The following ENGASE variants were observed in gnomAD, a reference collection of about 807,000 sequenced individuals.
The protein encoded by ENGASE is cytosolic endo-beta-N-acetylglucosaminidase.
A neutral mutation model predicts 78.5 loss-of-function variants in ENGASE; 69 were observed. The ratio of observed to expected loss-of-function variants is 0.88; its 90% confidence interval spans 0.72 to 1.07. The LOEUF is 1.07. Ranked by LOEUF, ENGASE falls within the 50% of genes least tolerant of loss-of-function variation. The pLI is 0.00. For missense variants in ENGASE, 943 were observed against 988.4 expected, an observed-to-expected ratio of 0.95 and a Z score of 0.62; for synonymous variants, 408 against 408.9, an observed-to-expected ratio of 1.00 and a Z score of 0.03.
At chr17:79,082,272 A>G (rs545736939) in intron 7 of ENGASE, 168 of 1,507,630 alleles carry the variant, frequency 1.1e-4, no homozygotes, top group Non-Finnish European at 1.4e-4. Flanking sequence ...TATTTCTACA[A>G]TCAGATAATG....
intron 10 of ENGASE, 51 bp from the exon 11 acceptor site, chr17:79,084,487 G>C (rs541108498): frequency 1.3e-6 from 2 of 1,486,420 alleles, no homozygotes; most frequent in East Asian, 2.6e-5. Context: ...AGCTGGCTTC[G>C]ATTTCTCAGT....
intron 3 of ENGASE, among the ~76,000 whole-genome samples, chr17:79,078,759 G>GA (rs1434483780): frequency 6.6e-6 from 1 of 152,238 alleles, no homozygotes; most frequent in Non-Finnish European, 1.5e-5. Flanking sequence ...AGCAGGTGGT[G>GA]AAACCTTGGG....
chr17:79,082,161 A>G, intron 7 of ENGASE, 98 bp downstream of exon 7: 1 of 1,603,800 alleles, frequency 6.2e-7, no homozygotes, highest in Non-Finnish European at 8.5e-7. Context: ...CCTCAAAGGA[A>G]TGACAGCAGC....
In ENGASE at chr17:79,083,761, G is replaced by C. The variant is rs372297897; in HGVS notation, c.1252G>C (p.Glu418Gln). 33 of 1,606,910 alleles carry C rather than the reference G, an allele frequency of 2.1e-5. No homozygotes were observed. Among genetic ancestry groups the C allele is most frequent in the Non-Finnish European group, 2.6e-5 (31 of 1,176,460 alleles). Reference protein sequence around the residue: ...MGARRVCYGQEEAVGPWYHLS... With the variant: ...MGARRVCYGQQEAVGPWYHLS... ...GCCCCTGTTCTGCCCTTTTCTTCAGGAAGAGGCGGTAGGGCCCTGGTACCA... is the reference window on the plus strand; with the variant it reads ...GCCCCTGTTCTGCCCTTTTCTTCAGCAAGAGGCGGTAGGGCCCTGGTACCA... Residue 418 changes from glutamate to glutamine, a missense_variant and splice_region_variant, in exon 10 of 14, where the codon GAA (glutamate) becomes CAA (glutamine). Physicochemically the swap from Glu to Gln is conservative, Grantham distance 29. Coordinates refer to ENST00000579016, the MANE Select transcript of ENGASE (RefSeq NM_001042573.3). This position sits in a 1 kb window ranked among gnomAD's most constrained non-coding sequence, Gnocchi z 4.9.
At chr17:79,077,607 C>T (rs1016277678) in intron 2 of ENGASE, 56 bp from the exon 3 acceptor site, 26 of 1,598,754 alleles carry the variant, frequency 1.6e-5, no homozygotes, top group South Asian at 6.7e-5. Context: ...TAAAATGTTT[C>T]GATTAATCCT....
At position 79,087,133 on chromosome 17, in the gene ENGASE, A is replaced by G; in HGVS notation, c.*784A>G. On this transcript the variant is annotated 3_prime_UTR_variant, in exon 14 of 14. Transcript: ENST00000579016. ...CTGCGCTGTGGCCCTGCCTCTGCCCAGCGAGAGGCCGTGGGCTCTGGACAA... is the reference window on the plus strand; with the variant it reads ...CTGCGCTGTGGCCCTGCCTCTGCCCGGCGAGAGGCCGTGGGCTCTGGACAA... 1 of 445,090 alleles carries G rather than the reference A, an allele frequency of 2.2e-6. No individual in the cohort carries two copies. Among genetic ancestry groups the G allele is most frequent in the Non-Finnish European group, 4.6e-6 (1 of 218,546 alleles). 27.6% of individuals were successfully genotyped at this position (445,090 alleles called of 1,614,324 possible).
intron 4 of ENGASE, 110 bp downstream of exon 4, chr17:79,079,747 C>A: frequency 2.1e-6 from 3 of 1,420,690 alleles, no homozygotes; most frequent in Non-Finnish European, 2.8e-6. Flanking sequence ...GCCCAGAGCC[C>A]CTCGCTGGGG....
At chr17:79,077,936 G>GGGGGGGGGGGGGGGGC in intron 3 of ENGASE, 72 bp downstream of exon 3, 2 of 721,532 alleles carry the variant, frequency 2.8e-6, no homozygotes, top group Non-Finnish European at 4.4e-6. Context: ...GGAGGGGCGG[G>GGGGGGGGGGGGGGGGC]AGAGAGTGCC....
Position 79,080,254 on chromosome 17 carries a change from T to C in ENGASE, c.613T>C (p.Phe205Leu). ...WNEGGRLCEAFLAGDERSYQA... is the reference protein window; with the variant it reads ...WNEGGRLCEALLAGDERSYQA... ...TGAAGGGGGAAGGCTCTGTGAAGCC[T>C]TCCTGGCCGGGGATGAGCGCTCGTA... The change falls in exon 5 of 14, where the codon TTC (phenylalanine) becomes CTC (leucine). Residue 205 changes from phenylalanine (F) to leucine (L), a missense_variant. By Grantham distance (22) the Phe-to-Leu change is conservative (BLOSUM62 0). Transcript: ENST00000579016. 6.2e-7 allele frequency: 1 copy of C among 1,613,292 alleles called. No individual in the cohort carries two copies. Among genetic ancestry groups the C allele is most frequent in the Non-Finnish European group, 8.5e-7 (1 of 1,179,488 alleles).
At position 79,086,271 on chromosome 17, in the gene ENGASE, G is replaced by A. The variant is rs201183810; in HGVS notation, c.2154G>A (p.Glu718=). The change falls in exon 14 of 14, where the codon GAG becomes GAA. Residue 718 remains glutamate, a synonymous_variant. Transcript: ENST00000579016. ...ATCGTCGCATGGAATTTCTGGTGGA[G>A]CCTGTCCCCAAGGAAGGGTTCCGGG... is the stretch of plus-strand genomic sequence containing the variant. ...GQDRRMEFLV[E]PVPKEGFRVP... The A allele has an allele frequency of 4.3e-5, 69 of 1,613,676 alleles. No homozygotes were observed. The highest frequency in any genetic ancestry group is 5.6e-5 in the Non-Finnish European group (66 of 1,180,044).
In ENGASE at chr17:79,085,427, T is replaced by G. The variant is rs2073267589; in HGVS notation, c.1700+85T>G. 9 of 1,351,970 alleles carry G rather than the reference T, an allele frequency of 6.7e-6. No individual in the cohort carries two copies. The South Asian group carries it at 8.6e-5, about 13-fold the overall frequency. The allele number at this position is 1,351,970 out of a possible 1,614,324, so 83.7% of individuals were successfully genotyped here. On this transcript the variant is annotated intron_variant, in intron 12 of 13. Coordinates refer to ENST00000579016, the MANE Select transcript of ENGASE (RefSeq NM_001042573.3). The stretch of plus-strand genomic sequence containing the variant: ...CAGAGCTGGAGGGATGGAGGGGCCC[T>G]GGGCTGGCCCCCAGGTTTTGGGCAG...
intron 10 of ENGASE, 107 bp downstream of exon 10, chr17:79,084,058 C>A: frequency 3.0e-6 from 3 of 989,142 alleles, no homozygotes; most frequent in Non-Finnish European, 4.5e-6. Flanking sequence ...GGACAGAGGA[C>A]AGACCCAGAT....
At position 79,084,676 on chromosome 17, in the gene ENGASE, A is replaced by T. The variant is rs748406204; in HGVS notation, c.1581A>T (p.Ser527=). 1 of 1,611,602 alleles carries T rather than the reference A, an allele frequency of 6.2e-7. No individual in the cohort carries two copies. The highest frequency in any genetic ancestry group is 8.5e-7 in the Non-Finnish European group (1 of 1,179,126). The change falls in exon 11 of 14, where the codon TCA becomes TCT. Residue 527 remains serine, a synonymous_variant. Transcript: ENST00000579016. ...DAGSCHIGGI[S]VLNAETSSRH... is the part of the protein sequence containing the mutation. ...GCAGCTGCCACATCGGTGGCATCTCAGTGTTGAACGGTGAGGTAATGGGGC... is the reference window on the plus strand; with the variant it reads ...GCAGCTGCCACATCGGTGGCATCTCTGTGTTGAACGGTGAGGTAATGGGGC...
intron 6 of ENGASE, among the ~76,000 whole-genome samples, 185 bp from the exon 7 acceptor site, chr17:79,081,713 T>C (rs1171248373): frequency 2.8e-5 from 4 of 144,110 alleles, no homozygotes; most frequent in Non-Finnish European, 4.5e-5. Flanking sequence ...GGTGGCCCTG[T>C]CCCTCTGGGC....
In ENGASE at chr17:79,086,087, A is replaced by G. The variant is rs530710888; in HGVS notation, c.1970A>G (p.Gln657Arg). 5 of 1,613,566 alleles carry G rather than the reference A, an allele frequency of 3.1e-6. No individual in the cohort carries two copies. The African/African-American group carries it at 6.7e-5, about 22-fold the overall frequency. Residue 657 changes from glutamine (Q) to arginine (R), a missense_variant, in exon 14 of 14, where the codon CAA (glutamine) becomes CGA (arginine). Gln to Arg is a conservative substitution (Grantham distance 43, BLOSUM62 1). Transcript: ENST00000579016. Reference protein sequence around the residue: ...CTLHWSFLLSQVRCFRIHCWG... With the variant: ...CTLHWSFLLSRVRCFRIHCWG... ...CTGCACTGGTCCTTCCTCCTCTCAC[A>G]AGTCCGTTGCTTCCGAATCCACTGC...
chr17:79,080,718 A>C (rs565739824), intron 5 of ENGASE, among the ~76,000 whole-genome samples: 1 of 151,922 alleles, frequency 6.6e-6, no homozygotes, highest in Non-Finnish European at 1.5e-5. Context: ...TTCTGTGTTC[A>C]TGTCCTTCTT....
chr17:79,076,873 CTATT>C (rs1403786524), intron 1 of ENGASE, among the ~76,000 whole-genome samples: 2 of 151,954 alleles, frequency 1.3e-5, no homozygotes, highest in Non-Finnish European at 2.9e-5. Flanking sequence ...AAGGTTTATT[CTATT>C]TATTTATTTT....
chr17:79,083,596 T>TGG lies in ENGASE; in HGVS notation c.1251+8_1251+9dup. On this transcript the variant is annotated splice_region_variant and intron_variant, in intron 9 of 13. Coordinates refer to ENST00000579016, the MANE Select transcript of ENGASE (RefSeq NM_001042573.3). The surrounding 1 kb of genome is among the most constrained non-coding windows in gnomAD (Gnocchi z 4.9). ...GGAGGGTCTGCTATGGCCAGGTGGG[T>TGG]GGGTGTCTTCCCTCCGTGTCTGTCC... is the stretch of plus-strand genomic sequence containing the variant. 1.2e-6 allele frequency: 2 copies of TGG among 1,611,530 alleles called. No homozygotes were observed. The highest frequency in any genetic ancestry group is 2.2e-5 in the South Asian group (2 of 90,998).
chr17:79,077,936 G>GGGGGGGGGGGGGGGGGC, intron 3 of ENGASE, 72 bp downstream of exon 3: 2 of 721,528 alleles, frequency 2.8e-6, no homozygotes, highest in East Asian at 4.1e-5. Context: ...GGAGGGGCGG[G>GGGGGGGGGGGGGGGGGC]AGAGAGTGCC....
Sources: allele counts gnomAD v4.1 joint callset (sites outside exome capture counted in the v4.1 genomes callset), GRCh38; gene constraint gnomAD v4.1.1; non-coding constraint Gnocchi (gnomAD v3.1); transcripts MANE v1.5; gene names NCBI Gene and HGNC (gene_info 2026-07-23, HGNC 2026-07-21).